Variants in ROBO2 observed in about 807,000 individuals in gnomAD.
ROBO2 encodes the protein roundabout guidance receptor 2.
A neutral mutation model predicts 160.8 loss-of-function variants in ROBO2; 53 were observed. The ratio of observed to expected loss-of-function variants is 0.33; its 90% CI spans 0.26 to 0.41. ROBO2 has a LOEUF of 0.41. ROBO2 is among the 10% of genes least tolerant of loss of function. The probability of loss-of-function intolerance (pLI) is 1.00; values close to 1 mark genes in which losing one functional copy is unlikely to be tolerated. For missense variants in ROBO2, 1,577 were observed against 1,722.4 expected (o/e 0.92, Z 1.49); for synonymous variants, 664 against 611.7 (o/e 1.09, Z -1.26).
intron 2 of ROBO2, among the ~76,000 whole-genome samples, chr3:77,029,168 G>A (rs2063159963): frequency 6.6e-6 from 1 of 151,970 alleles, no homozygotes; most frequent in South Asian, 2.1e-4. Flanking sequence ...TGTGCATGTG[G>A]GCTGTGTGGT....
At position 76,573,832 on chromosome 3, in the gene ROBO2, G is replaced by C. The variant is rs373897430; in HGVS notation, c.110-524182G>C. Among the ~76,000 whole-genome samples the C allele has an allele frequency of 5.9e-5, 9 of 152,128 alleles. No homozygotes were observed. In the East Asian group the frequency reaches 1.7e-3, roughly 30 times the overall value. ...TGATCCACCGCATGGGGAAACTCTT[G>C]CTCTCTTCACTGCATGAAATGTTCT... On this transcript the variant is annotated intron_variant, in intron 2 of 26. Coordinates refer to the ROBO2 transcript ENST00000487694.
At chr3:76,399,355 G>A (rs1423734826) in intron 2 of ROBO2, among the ~76,000 whole-genome samples, 1 of 151,586 alleles carries the variant, frequency 6.6e-6, no homozygotes, top group Non-Finnish European at 1.5e-5. Context: ...GGAACTCTTT[G>A]AGGGAAACAT....
chr3:77,511,402 C>G (rs1382368685), intron 5 of ROBO2, among the ~76,000 whole-genome samples: 1 of 151,968 alleles, frequency 6.6e-6, no homozygotes, highest in Non-Finnish European at 1.5e-5. Flanking sequence ...GGCTCTAGCT[C>G]CAAGGTGGTC....
At chr3:77,440,868 G>T (rs986342396) in intron 2 of ROBO2, among the ~76,000 whole-genome samples, 1 of 152,062 alleles carries the variant, frequency 6.6e-6, no homozygotes, top group Non-Finnish European at 1.5e-5. Context: ...TGAGGGTTGC[G>T]GGTGGTGAGG....
At chr3:76,487,651 A>G (rs2079571552) in intron 2 of ROBO2, among the ~76,000 whole-genome samples, 1 of 152,186 alleles carries the variant, frequency 6.6e-6, no homozygotes, top group South Asian at 2.1e-4. Context: ...TTCTCTGTTT[A>G]GAGTCCTAGA....
chr3:77,281,292 T>G (rs2060219398), intron 2 of ROBO2, among the ~76,000 whole-genome samples: 1 of 151,616 alleles, frequency 6.6e-6, no homozygotes. Context: ...TTTTATTTCC[T>G]GACCAATTTT....
chr3:76,202,734 T>C (rs1702597362), intron 2 of ROBO2, among the ~76,000 whole-genome samples: 1 of 152,058 alleles, frequency 6.6e-6, no homozygotes, highest in Non-Finnish European at 1.5e-5. Flanking sequence ...AAAGAAGTAA[T>C]GTGTATATAA....
chr3:76,848,931 C>A (rs972257531), intron 2 of ROBO2, among the ~76,000 whole-genome samples: 4 of 151,992 alleles, frequency 2.6e-5, no homozygotes, highest in Non-Finnish European at 5.9e-5. Flanking sequence ...TCGCATTTGG[C>A]AACAATGGAT....
intron 2 of ROBO2, among the ~76,000 whole-genome samples, chr3:76,294,681 A>G (rs1163520322): frequency 3.9e-5 from 6 of 152,172 alleles, no homozygotes; most frequent in Admixed American, 3.9e-4. Context: ...TTTTTCGAAA[A>G]TGGTGTATTA....
chr3:77,050,570 T>G (rs79003039), intron 1 of ROBO2, among the ~76,000 whole-genome samples: 173 of 4,052 alleles, frequency 0.043, no homozygotes, highest in African/African-American at 0.055. Context: ...TTTTGTGTGT[T>G]TTTTTTTTTT....
intron 2 of ROBO2, among the ~76,000 whole-genome samples, chr3:76,862,433 T>C (rs1007443959): frequency 1.2e-4 from 19 of 152,132 alleles, no homozygotes; most frequent in Non-Finnish European, 5.9e-5. Flanking sequence ...ACAGGAATTT[T>C]CATAAGGAAA....
intron 2 of ROBO2, among the ~76,000 whole-genome samples, chr3:76,289,218 G>A (rs1051306499): frequency 6.6e-6 from 1 of 152,152 alleles, no homozygotes; most frequent in Non-Finnish European, 1.5e-5. Flanking sequence ...TCTCATTGTG[G>A]TTTTGATTTG....
At chr3:76,370,623 G>A (rs541843701) in intron 2 of ROBO2, among the ~76,000 whole-genome samples, 1 of 151,992 alleles carries the variant, frequency 6.6e-6, no homozygotes, top group South Asian at 2.1e-4. Context: ...GAATATTGGA[G>A]CTGACATTTC....
intron 2 of ROBO2, among the ~76,000 whole-genome samples, chr3:76,791,467 TTTCTC>T (rs2063345481): frequency 6.7e-6 from 1 of 148,168 alleles, no homozygotes. Context: ...CTCTCTCTCT[TTTCTC>T]TCTCTCTCTC....
chr3:76,565,167 C>T (rs2084435829), intron 2 of ROBO2, among the ~76,000 whole-genome samples: 2 of 152,162 alleles, frequency 1.3e-5, no homozygotes, highest in Admixed American at 6.5e-5. Flanking sequence ...TTATCCCCTT[C>T]ATTCTAATGA....
intron 2 of ROBO2, among the ~76,000 whole-genome samples, chr3:76,163,751 G>GT (rs144923422): frequency 0.36 from 54,031 of 149,234 alleles, 11,300 homozygotes; most frequent in South Asian, 0.48. Flanking sequence ...ACCATAATTA[G>GT]TTTTTTTTTT....
intron 2 of ROBO2, among the ~76,000 whole-genome samples, chr3:76,620,079 T>C (rs2088941960): frequency 6.6e-6 from 1 of 152,212 alleles, no homozygotes; most frequent in South Asian, 2.1e-4. Context: ...TAAATGATGC[T>C]CAGTGAACTT....
rs148947135 is a variant in ROBO2, at chr3:76,920,048, T to A, written c.110-177966T>A. ...GTGCAAAATAAAAATATAGAGTCCC[T>A]TGTTTAAACAGCAGAAAAAATGTGC... On this transcript the variant is annotated intron_variant, in intron 2 of 26. Coordinates refer to the ROBO2 transcript ENST00000487694. Among the ~76,000 whole-genome samples, 713 of 152,286 alleles carry A rather than the reference T, an allele frequency of 4.7e-3. 5 individuals carry two copies. The highest frequency in any genetic ancestry group is 0.017 in the African/African-American group (700 of 41,570).
At chr3:75,980,439 T>G (rs1449035110) in intron 2 of ROBO2, among the ~76,000 whole-genome samples, 1 of 151,566 alleles carries the variant, frequency 6.6e-6, no homozygotes, top group Non-Finnish European at 1.5e-5. Flanking sequence ...TTCTGCTTAG[T>G]ATTCATTGTC....
Sources: allele counts gnomAD v4.1 joint callset (sites outside exome capture counted in the v4.1 genomes callset), GRCh38; gene constraint gnomAD v4.1.1; transcripts MANE v1.5; gene names NCBI Gene and HGNC (gene_info 2026-07-23, HGNC 2026-07-21).